The following RGS6 variants were observed in gnomAD, a reference collection of about 807,000 sequenced individuals.
RGS6 encodes regulator of G-protein signaling 6.
Under a neutral mutation model 78.5 loss-of-function variants are expected in RGS6, and 30 were observed. The observed-to-expected ratio is 0.38, with a 90% CI of 0.29 to 0.52. RGS6 has a LOEUF of 0.52. RGS6 is among the 20% of genes least tolerant of loss of function. The pLI is 0.85. For missense variants in RGS6, 495 were observed against 609.7 expected (o/e 0.81, Z 1.98); for synonymous variants, 206 against 206.0 (o/e 1.00, Z 0.00).
At chr14:72,073,908 G>A (rs1386222746) in intron 2 of RGS6, among the ~76,000 whole-genome samples, 1 of 152,012 alleles carries the variant, frequency 6.6e-6, no homozygotes, top group African/African-American at 2.4e-5. Flanking sequence ...AAGTATCTTG[G>A]GGGCTAAGAT....
At chr14:71,951,297 A>G (rs1022223687) in intron 1 of RGS6, among the ~76,000 whole-genome samples, 1 of 152,168 alleles carries the variant, frequency 6.6e-6, no homozygotes, top group Non-Finnish European at 1.5e-5. Flanking sequence ...CCAGCAAACA[A>G]ACGCAGGAGC....
chr14:72,002,301 C>T (rs777884433), intron 2 of RGS6, among the ~76,000 whole-genome samples: 9 of 152,280 alleles, frequency 5.9e-5, no homozygotes, highest in Admixed American at 2.0e-4. Flanking sequence ...TAACTAGCCC[C>T]AGATCACACA....
At chr14:72,046,000 G>C (rs975923635) in intron 2 of RGS6, among the ~76,000 whole-genome samples, 2 of 152,120 alleles carry the variant, frequency 1.3e-5, no homozygotes. Context: ...GGAAATTCAG[G>C]TTCCCAAAAG....
chr14:72,431,631 C>T (rs1438618238), intron 3 of RGS6, among the ~76,000 whole-genome samples: 2 of 151,940 alleles, frequency 1.3e-5, no homozygotes, highest in Non-Finnish European at 1.5e-5. Context: ...GAAGTGCCCA[C>T]CTCAGGGACA....
intron 2 of RGS6, among the ~76,000 whole-genome samples, chr14:71,973,491 C>G (rs1021641145): frequency 1.3e-5 from 2 of 152,090 alleles, no homozygotes; most frequent in Non-Finnish European, 2.9e-5. Context: ...CTGAGATCAG[C>G]TTGGCCAACA....
chr14:72,318,428 C>A (rs2070937993), intron 2 of RGS6, among the ~76,000 whole-genome samples: 1 of 145,176 alleles, frequency 6.9e-6, no homozygotes, highest in Non-Finnish European at 1.5e-5. Context: ...ACAGACACAC[C>A]CAAGATCAAT....
At chr14:72,513,506 G>A (rs140485018) in intron 14 of RGS6, among the ~76,000 whole-genome samples, 64 of 152,274 alleles carry the variant, frequency 4.2e-4, no homozygotes, top group African/African-American at 1.5e-3. Context: ...TGAGCTGGGT[G>A]CAGGCTCCCT....
intron 2 of RGS6, among the ~76,000 whole-genome samples, chr14:72,129,079 T>G (rs2096262716): frequency 6.6e-6 from 1 of 152,228 alleles, no homozygotes; most frequent in South Asian, 2.1e-4. Flanking sequence ...ATTAGCTTGC[T>G]TTGGGCTTTC....
chr14:72,180,029 G>C (rs77649320), intron 2 of RGS6, among the ~76,000 whole-genome samples: 5,359 of 152,318 alleles, frequency 0.035, 146 homozygotes, highest in Middle Eastern at 0.054. Flanking sequence ...AGCATCTCTA[G>C]TGATAGTTGT....
intron 2 of RGS6, among the ~76,000 whole-genome samples, chr14:72,048,530 G>T (rs1034807014): frequency 2.0e-5 from 3 of 152,154 alleles, no homozygotes; most frequent in Non-Finnish European, 4.4e-5. Flanking sequence ...TTTTGAATCA[G>T]AATGGAAATT....
At chr14:72,127,651 C>G (rs1420801116) in intron 2 of RGS6, among the ~76,000 whole-genome samples, 1 of 152,108 alleles carries the variant, frequency 6.6e-6, no homozygotes, top group Non-Finnish European at 1.5e-5. Flanking sequence ...TTATTTCTTG[C>G]AGTTGCAAGA....
intron 13 of RGS6, among the ~76,000 whole-genome samples, chr14:72,505,905 G>A (rs1014169821): frequency 9.9e-5 from 15 of 152,220 alleles, no homozygotes; most frequent in African/African-American, 3.6e-4. Context: ...CTTGTCCTCA[G>A]TTTGGTAACT....
At chr14:72,391,289 C>T (rs1176835366) in intron 3 of RGS6, among the ~76,000 whole-genome samples, 1 of 152,070 alleles carries the variant, frequency 6.6e-6, no homozygotes, top group Non-Finnish European at 1.5e-5. Flanking sequence ...ATTGTGATTG[C>T]TTCAATAGTT....
intron 2 of RGS6, among the ~76,000 whole-genome samples, chr14:72,326,551 A>G (rs2073812314): frequency 6.6e-6 from 1 of 151,948 alleles, no homozygotes; most frequent in Non-Finnish European, 1.5e-5. Flanking sequence ...TGCTCCTACC[A>G]CATGAAATAC....
chr14:72,226,107 C>G (rs1013505378), intron 2 of RGS6, among the ~76,000 whole-genome samples: 4 of 152,146 alleles, frequency 2.6e-5, no homozygotes, highest in Admixed American at 6.5e-5. Context: ...TTCTGGAAAA[C>G]TAAGAATAAA....
chr14:71,997,873 G>C (rs1333929837), intron 2 of RGS6, among the ~76,000 whole-genome samples: 2 of 152,144 alleles, frequency 1.3e-5, no homozygotes, highest in African/African-American at 4.8e-5. Flanking sequence ...ATGAAAACTT[G>C]GCTATAAATT....
At chr14:72,597,642 GA>G in the RGS6 span, among the ~76,000 whole-genome samples, 1 of 52,862 alleles carries the variant, frequency 1.9e-5, no homozygotes, top group Non-Finnish European at 5.4e-5. Flanking sequence ...GTTATATAGT[GA>G]GAAGCTTTGA....
At chr14:72,017,087 C>T (rs1596133791) in intron 2 of RGS6, among the ~76,000 whole-genome samples, 1 of 152,100 alleles carries the variant, frequency 6.6e-6, no homozygotes, top group Non-Finnish European at 1.5e-5. Flanking sequence ...GGCTGGAGTG[C>T]AGTGGTACAA....
intron 2 of RGS6, among the ~76,000 whole-genome samples, chr14:72,249,094 A>G (rs991559348): frequency 6.6e-6 from 1 of 152,228 alleles, no homozygotes; most frequent in Non-Finnish European, 1.5e-5. Flanking sequence ...AGCAAACAAA[A>G]GCTTAATAAC....
Sources: allele counts gnomAD v4.1 joint callset (sites outside exome capture counted in the v4.1 genomes callset), GRCh38; gene constraint gnomAD v4.1.1; transcripts MANE v1.5; gene names NCBI Gene and HGNC (gene_info 2026-07-23, HGNC 2026-07-21).